The following RAB43 variants were observed in gnomAD, a reference collection of about 807,000 sequenced individuals.
The protein encoded by RAB43 is RAB43, member RAS oncogene family.
RAB43 carries 6 observed loss-of-function variants against 18.8 expected under a neutral mutation model. The observed-to-expected ratio is 0.32, with a 90% CI of 0.17 to 0.63. The LOEUF (loss-of-function observed/expected upper bound fraction) is 0.63. RAB43 is among the 30% of genes least tolerant of loss of function. The pLI is 0.79. For synonymous variants in RAB43, 103 were observed against 124.1 expected (o/e 0.83, Z 1.13); for missense variants, 195 against 289.1 (o/e 0.67, Z 2.36).
Position 129,091,362 on chromosome 3 carries a change from G to C in RAB43, c.389-16C>G. 9 of 1,603,612 alleles carry C rather than the reference G, an allele frequency of 5.6e-6. No homozygotes were observed. Among genetic ancestry groups the C allele is most frequent in the Non-Finnish European group, 7.7e-6 (9 of 1,174,784 alleles). ...GACTTGTTCCCTGCGGAGGAAAGCC[G>C]GGGCAGCATGAGGCCATGGGGGCTG... is the stretch of plus-strand genomic sequence containing the variant. On this transcript the variant is annotated splice_polypyrimidine_tract_variant and intron_variant, in intron 2 of 2. Coordinates refer to ENST00000315150, the MANE Select transcript of RAB43 (RefSeq NM_198490.3).
chr3:129,109,079 AT>A (rs1262766299), intron 1 of RAB43, among the ~76,000 whole-genome samples: 20 of 152,094 alleles, frequency 1.3e-4, no homozygotes, highest in Non-Finnish European at 2.9e-4. Flanking sequence ...AAAAAAAAAA[AT>A]CATGGCTTGT....
chr3:129,121,928 CCCGCCCCCGACT>C (rs1043939827), upstream of RAB43: 2 of 153,092 alleles, frequency 1.3e-5, no homozygotes, highest in African/African-American at 5.0e-5. Context: ...CGCCTACGTC[CCCGCCCCCGACT>C]CCGCCCTCAG....
At chr3:129,097,603 T>C (rs990464834) in intron 1 of RAB43, among the ~76,000 whole-genome samples, 2 of 151,938 alleles carry the variant, frequency 1.3e-5, no homozygotes, top group Non-Finnish European at 2.9e-5. Flanking sequence ...AGAGTTCAAC[T>C]GAAAAGGGAG....
Position 129,091,828 on chromosome 3 carries a change from G to T in RAB43, c.389-482C>A, listed in dbSNP as rs547447760. Among the ~76,000 whole-genome samples the T allele has an allele frequency of 4.6e-5, 7 of 151,788 alleles. No individual in the cohort carries two copies. In the South Asian group the frequency reaches 1.5e-3, roughly 32 times the overall value. ...TGCTTGTAATCCCAGCATTTGGGAA[G>T]GCCGAGGTGGGTGGATCACCTGAGG... is the stretch of plus-strand genomic sequence containing the variant. On this transcript the variant is annotated intron_variant, in intron 2 of 2. Transcript: ENST00000315150.
At chr3:129,100,725 G>C (rs568243689) in intron 1 of RAB43, among the ~76,000 whole-genome samples, 2 of 152,194 alleles carry the variant, frequency 1.3e-5, no homozygotes, top group Non-Finnish European at 1.5e-5. Flanking sequence ...ACAGGGTAGC[G>C]GTGGTACGCT....
At chr3:129,122,029 A>T, upstream of RAB43, 1 of 98,258 alleles carries the variant, frequency 1.0e-5, no homozygotes, top group South Asian at 2.6e-4. Flanking sequence ...CCCGACCTCG[A>T]CTCCGCCCAC....
intron 1 of RAB43, among the ~76,000 whole-genome samples, chr3:129,113,485 G>A (rs1041233336): frequency 1.3e-5 from 2 of 152,008 alleles, no homozygotes; most frequent in Non-Finnish European, 2.9e-5. Context: ...TTGAACACCA[G>A]TCACATTACT....
Position 129,121,651 on chromosome 3 carries a change from C to G in RAB43, c.-162G>C, listed in dbSNP as rs1018667085. On this transcript the variant is annotated 5_prime_UTR_variant, in exon 1 of 3. Coordinates refer to ENST00000315150, the MANE Select transcript of RAB43 (RefSeq NM_198490.3). ...CAGCACTGCCGACCGCCTGCCTCGG[C>G]CTCGGCCCCGCCCCACCCCGGCTGG... 1.2e-5 allele frequency: 6 copies of G among 512,754 alleles called. No individual in the cohort carries two copies. The highest frequency in any genetic ancestry group is 1.6e-5 in the Non-Finnish European group (5 of 312,224). 31.8% of individuals were successfully genotyped at this position (512,754 alleles called of 1,614,324 possible).
intron 2 of RAB43, among the ~76,000 whole-genome samples, chr3:129,091,616 G>A (rs571126036): frequency 3.3e-5 from 5 of 152,158 alleles, no homozygotes; most frequent in East Asian, 1.9e-4. Flanking sequence ...GTGAGACCCC[G>A]TCTCAATTTA....
intron 1 of RAB43, among the ~76,000 whole-genome samples, chr3:129,113,174 T>C (rs924548835): frequency 6.6e-6 from 1 of 150,592 alleles, no homozygotes; most frequent in Non-Finnish European, 1.5e-5. Context: ...ATTATTATTT[T>C]TTTTTTTTCG....
chr3:129,101,844 G>A (rs1316566108), intron 1 of RAB43, among the ~76,000 whole-genome samples: 2 of 152,186 alleles, frequency 1.3e-5, no homozygotes, highest in Non-Finnish European at 2.9e-5. Flanking sequence ...GGAAATATGA[G>A]CCAGTCTCCT....
At chr3:129,093,781 G>C (rs190193659) in intron 2 of RAB43, among the ~76,000 whole-genome samples, 1 of 151,828 alleles carries the variant, frequency 6.6e-6, no homozygotes, top group African/African-American at 2.4e-5. Flanking sequence ...GTACATTTGA[G>C]TCAGAAGAAT....
chr3:129,113,218 T>C (rs1285749089), intron 1 of RAB43, among the ~76,000 whole-genome samples: 1 of 151,058 alleles, frequency 6.6e-6, no homozygotes, highest in Admixed American at 6.6e-5. Context: ...CAGGCTGGAG[T>C]GCAGTGGCAC....
At chr3:129,106,537 C>T (rs995994918) in intron 1 of RAB43, among the ~76,000 whole-genome samples, 1 of 152,220 alleles carries the variant, frequency 6.6e-6, no homozygotes, top group South Asian at 2.1e-4. Flanking sequence ...CATGGTAAGA[C>T]AGCAAAACCT....
chr3:129,120,006 C>T (rs781681861), intron 1 of RAB43, among the ~76,000 whole-genome samples: 2 of 152,136 alleles, frequency 1.3e-5, no homozygotes, highest in Non-Finnish European at 2.9e-5. Flanking sequence ...AGGGTGGTCC[C>T]GAGTGACTCA....
In RAB43 at chr3:129,095,182, G is replaced by A. The variant is rs768743383; in HGVS notation, c.205-13C>T. The A allele has an allele frequency of 1.9e-6, 3 of 1,611,710 alleles. No homozygotes were observed. The highest frequency in any genetic ancestry group is 2.2e-5 in the South Asian group (2 of 90,780). ...CCCAGATCTGCAGCTAAAGAAATAA[G>A]GTTCCTCAGTGAACCCAGTGGCACA... is the stretch of plus-strand genomic sequence containing the variant. On this transcript the variant is annotated splice_polypyrimidine_tract_variant and intron_variant, in intron 1 of 2. Transcript: ENST00000315150. The surrounding 1 kb of genome is among the most constrained non-coding windows in gnomAD (Gnocchi z 4.2).
chr3:129,094,505 CTTT>C (rs200896936), intron 2 of RAB43, among the ~76,000 whole-genome samples: 146 of 69,108 alleles, frequency 2.1e-3, no homozygotes, highest in Middle Eastern at 0.019. Context: ...ATATAACTTT[CTTT>C]TTTTTTTTTT....
chr3:129,105,372 G>A (rs566078359), intron 1 of RAB43, among the ~76,000 whole-genome samples: 3 of 152,346 alleles, frequency 2.0e-5, no homozygotes, highest in African/African-American at 7.2e-5. Flanking sequence ...AGAACTGCTT[G>A]AACCTGGGAG....
At chr3:129,120,912 T>TG (rs888554878) in intron 1 of RAB43, among the ~76,000 whole-genome samples, 4 of 152,002 alleles carry the variant, frequency 2.6e-5, no homozygotes, top group African/African-American at 7.3e-5. Flanking sequence ...TGGATGGAGG[T>TG]GGGGGGTCTG....
Sources: gnomAD v4.1 joint callset for allele counts (sites outside exome capture counted in the v4.1 genomes callset) on GRCh38, gnomAD v4.1.1 for gene constraint, Gnocchi (gnomAD v3.1) non-coding constraint, MANE v1.5 for transcripts, NCBI Gene and HGNC (gene_info 2026-07-23, HGNC 2026-07-21) for gene names.